The following ANK1 variants were observed in gnomAD, a reference collection of about 807,000 sequenced individuals.
ANK1 encodes ankyrin-1.
Under a neutral mutation model 210.4 loss-of-function variants are expected in ANK1, and 51 were observed. The ratio of observed to expected loss-of-function variants is 0.24; its 90% CI spans 0.19 to 0.31. The LOEUF (loss-of-function observed/expected upper bound fraction) is 0.31. Ranked by LOEUF, ANK1 falls within the 10% of genes least tolerant of loss-of-function variation. The pLI is 1.00. For missense variants in ANK1, 2,051 were observed against 2,504.4 expected (o/e 0.82, Z 3.86); for synonymous variants, 967 against 1,025.9 (o/e 0.94, Z 1.10).
intron 37 of ANK1, among the ~76,000 whole-genome samples, chr8:41,678,897 C>A (rs1815051047): frequency 6.6e-6 from 1 of 152,216 alleles, no homozygotes; most frequent in African/African-American, 2.4e-5. Flanking sequence ...GATTGTCCTG[C>A]CTCAGCCTCC....
chr8:41,773,061 CCT>C (rs1345851832), intron 1 of ANK1, among the ~76,000 whole-genome samples: 4 of 152,212 alleles, frequency 2.6e-5, no homozygotes, highest in Admixed American at 1.3e-4. Context: ...CCTGACCCCC[CCT>C]AAACCTGGTC....
intron 42 of ANK1, among the ~76,000 whole-genome samples, chr8:41,656,240 G>T (rs987224094): frequency 6.6e-6 from 1 of 152,258 alleles, no homozygotes; most frequent in African/African-American, 2.4e-5. Context: ...CTGCCAACAT[G>T]CACTGATGTC....
chr8:41,706,824 C>T (rs1045925415), intron 17 of ANK1, among the ~76,000 whole-genome samples: 16 of 152,298 alleles, frequency 1.1e-4, no homozygotes, highest in South Asian at 4.1e-4. Flanking sequence ...AATGGCTGGG[C>T]GCGGCGGCTC....
chr8:41,729,158 G>A (rs1215789745), intron 3 of ANK1, among the ~76,000 whole-genome samples: 4 of 152,120 alleles, frequency 2.6e-5, no homozygotes, highest in African/African-American at 9.7e-5. Flanking sequence ...AAATAAATGG[G>A]GGGTAATAAA....
At chr8:41,728,836 G>A (rs568382457) in intron 3 of ANK1, among the ~76,000 whole-genome samples, 3 of 152,242 alleles carry the variant, frequency 2.0e-5, no homozygotes, top group African/African-American at 4.8e-5. Flanking sequence ...AGCAGACAGC[G>A]CGTTGGCGTC....
chr8:41,847,172 C>G (rs1232132484), intron 1 of ANK1, among the ~76,000 whole-genome samples: 1 of 152,234 alleles, frequency 6.6e-6, no homozygotes, highest in Non-Finnish European at 1.5e-5. Context: ...ACCCCAAAAT[C>G]TCAGTGGCTT....
At chr8:41,781,455 C>T (rs11774448) in intron 1 of ANK1, among the ~76,000 whole-genome samples, 55,425 of 152,096 alleles carry the variant, frequency 0.36, 10,567 homozygotes, top group Non-Finnish European at 0.41. Context: ...GTGCCTGCTG[C>T]GTGGGTACCA....
intron 1 of ANK1, among the ~76,000 whole-genome samples, chr8:41,867,129 G>A (rs771068365): frequency 1.8e-4 from 27 of 152,202 alleles, no homozygotes; most frequent in Non-Finnish European, 3.2e-4. Flanking sequence ...GAGAAGCAGC[G>A]AAGGTGCAAG....
At chr8:41,871,339 G>A (rs886224342) in intron 1 of ANK1, among the ~76,000 whole-genome samples, 3 of 152,136 alleles carry the variant, frequency 2.0e-5, no homozygotes, top group South Asian at 2.1e-4. Flanking sequence ...AGACAGGGTC[G>A]CTGTGTCACC....
At chr8:41,878,839 G>C (rs755301116) in intron 1 of ANK1, among the ~76,000 whole-genome samples, 21 of 152,158 alleles carry the variant, frequency 1.4e-4, no homozygotes, top group Non-Finnish European at 2.4e-4. Context: ...GAGGCAGGCG[G>C]ATCACTTGAG....
chr8:41,655,850 C>G, intron 42 of ANK1, 97 bp from the exon 43 acceptor site: 1 of 1,384,300 alleles, frequency 7.2e-7, no homozygotes, highest in African/African-American at 1.4e-5. Flanking sequence ...CAGCTCAGGC[C>G]GAATCTGACT....
chr8:41,726,535 C>T (rs1440386602), intron 5 of ANK1, among the ~76,000 whole-genome samples: 1 of 152,068 alleles, frequency 6.6e-6, no homozygotes, highest in Non-Finnish European at 1.5e-5. Flanking sequence ...GAATAAGGCA[C>T]ACACCACCAC....
intron 13 of ANK1, among the ~76,000 whole-genome samples, chr8:41,716,667 C>A (rs1827767574): frequency 6.6e-6 from 1 of 152,198 alleles, no homozygotes; most frequent in South Asian, 2.1e-4. Flanking sequence ...ACGTTGCCCC[C>A]CTCCTTACAT....
chr8:41,663,263 G>A (rs1809181404), intron 40 of ANK1, among the ~76,000 whole-genome samples: 1 of 152,112 alleles, frequency 6.6e-6, no homozygotes. Context: ...GGGATCACAG[G>A]TGTGAGCCAG....
chr8:41,690,189 C>T (rs751965573), intron 33 of ANK1, 38 bp downstream of exon 33: 177 of 1,613,664 alleles, frequency 1.1e-4, no homozygotes, highest in South Asian at 8.8e-4. Flanking sequence ...ACAGGGAAGC[C>T]GTCTCGGGCC....
intron 2 of ANK1, among the ~76,000 whole-genome samples, chr8:41,748,772 A>C (rs549706016): frequency 6.6e-6 from 1 of 152,360 alleles, no homozygotes; most frequent in East Asian, 1.9e-4. Context: ...GCGGTGGCTT[A>C]CGCCTGTAAT....
rs544350669 is a variant in ANK1, at chr8:41,825,519, C to T, written c.127-67382G>A. Among the ~76,000 whole-genome samples the T allele has an allele frequency of 2.0e-5, 3 of 152,296 alleles. No individual in the cohort carries two copies. The South Asian group carries it at 6.2e-4, about 32-fold the overall frequency. ...TCCGCAAGTCTCTTTGTGGCAACTG[C>T]CTCTGAGAACTGTGTCCTGTTGACC... On this transcript the variant is annotated intron_variant, in intron 1 of 42. Coordinates refer to the ANK1 transcript ENST00000265709.
At chr8:41,824,816 C>T (rs1162548027) in intron 1 of ANK1, among the ~76,000 whole-genome samples, 1 of 152,148 alleles carries the variant, frequency 6.6e-6, no homozygotes, top group Non-Finnish European at 1.5e-5. Context: ...ACTAGCTCCC[C>T]GGGATGTGCC....
chr8:41,717,846 G>T (rs1385507422), intron 11 of ANK1, 144 bp from the exon 12 acceptor site: 3 of 946,894 alleles, frequency 3.2e-6, no homozygotes, highest in Non-Finnish European at 4.9e-6. Context: ...CCAAGAAAAT[G>T]GTTGGAGAAA....
Sources: gnomAD v4.1 joint callset for allele counts (sites outside exome capture counted in the v4.1 genomes callset) on GRCh38, gnomAD v4.1.1 for gene constraint, MANE v1.5 for transcripts, NCBI Gene and HGNC (gene_info 2026-07-23, HGNC 2026-07-21) for gene names.